KIR3DL3: variants seen among roughly 807,000 people sequenced by gnomAD.
KIR3DL3 encodes the protein killer cell immunoglobulin-like receptor 3DL3.
A neutral mutation model predicts 34.9 loss-of-function variants in KIR3DL3; 27 were observed. The observed-to-expected ratio is 0.77, with a 90% CI of 0.57 to 1.07. The LOEUF is 1.07. Ranked by LOEUF, KIR3DL3 falls within the 50% of genes least tolerant of loss-of-function variation. The pLI is 0.00. For missense variants in KIR3DL3, 681 were observed against 528.5 expected (o/e 1.29, Z -2.83); for synonymous variants, 217 against 200.2 (o/e 1.08, Z -0.71).
At chr19:54,730,185 A>G (rs1410765967) in intron 5 of KIR3DL3, among the ~76,000 whole-genome samples, 1 of 151,930 alleles carries the variant, frequency 6.6e-6, no homozygotes, top group Non-Finnish European at 1.5e-5. Context: ...GTTTGAAGAA[A>G]TATTTATTGA....
intron 5 of KIR3DL3, among the ~76,000 whole-genome samples, chr19:54,734,553 T>C (rs1184589441): frequency 6.6e-6 from 1 of 151,130 alleles, no homozygotes; most frequent in Non-Finnish European, 1.5e-5. Flanking sequence ...CTGCATGACG[T>C]CCTCCTCCAG....
At chr19:54,733,758 T>C (rs2146858172) in intron 5 of KIR3DL3, among the ~76,000 whole-genome samples, 1 of 152,332 alleles carries the variant, frequency 6.6e-6, no homozygotes, top group Non-Finnish European at 1.5e-5. Flanking sequence ...GAACGTGCTC[T>C]GTTCATGGCA....
intron 5 of KIR3DL3, 33 bp from the exon 6 acceptor site, chr19:54,735,220 T>G: frequency 1.4e-6 from 2 of 1,401,070 alleles, no homozygotes; most frequent in Non-Finnish European, 2.0e-6. Flanking sequence ...ACTGCTATGA[T>G]TAGCTTCTTA....
Position 54,727,690 on chromosome 19 carries a change from G to T in KIR3DL3, c.435G>T (p.Trp145Cys). ...GAGAGACGGTCATCCTGCAATGTTG[G>T]TCAGATGTCAGGTTTGAGCGCTTCC... Reference protein sequence around the residue: ...KSGETVILQCWSDVRFERFLL... With the variant: ...KSGETVILQCCSDVRFERFLL... The change falls in exon 4 of 8, where the codon TGG becomes TGT. Residue 145 changes from tryptophan to cysteine, a missense_variant. Coordinates refer to ENST00000291860, the MANE Select transcript of KIR3DL3 (RefSeq NM_153443.5). The T allele has an allele frequency of 6.2e-7, 1 of 1,612,676 alleles. No homozygotes were observed. The highest frequency in any genetic ancestry group is 8.5e-7 in the Non-Finnish European group (1 of 1,179,660).
intron 3 of KIR3DL3, among the ~76,000 whole-genome samples, chr19:54,727,216 C>T (rs1271376590): frequency 8.5e-6 from 1 of 117,990 alleles, no homozygotes; most frequent in Non-Finnish European, 1.8e-5. Flanking sequence ...GCCTGCCTTA[C>T]TGATGAGTTC....
At chr19:54,729,910 G>A in intron 5 of KIR3DL3, 124 bp downstream of exon 5, 4 of 739,298 alleles carry the variant, frequency 5.4e-6, no homozygotes, top group Non-Finnish European at 8.1e-6. Flanking sequence ...TGGGTGTAAG[G>A]GCGGGGTCAG....
rs188741619 is a variant in KIR3DL3, at chr19:54,735,658, G to C, written c.1055-162G>C. Among the ~76,000 whole-genome samples the C allele has an allele frequency of 5.4e-5, 7 of 129,460 alleles. No homozygotes were observed. The East Asian group carries it at 1.4e-3, about 26-fold the overall frequency. The allele number at this position is 129,460 out of a possible 152,430, so 84.9% of individuals were successfully genotyped here. ...GGATGGGAACTCAGAGCTATACATG[G>C]GATGGATCCTTGAGCTCAGAGAGAT... is the stretch of plus-strand genomic sequence containing the variant. On this transcript the variant is annotated intron_variant, in intron 6 of 7. Transcript: ENST00000291860.
chr19:54,729,022 T>G (rs2068505475), intron 4 of KIR3DL3, among the ~76,000 whole-genome samples: 1 of 147,800 alleles, frequency 6.8e-6, no homozygotes, highest in Non-Finnish European at 1.5e-5. Flanking sequence ...CACATGATGA[T>G]AGATGGATAG....
At chr19:54,731,141 G>T (rs1321691574) in intron 5 of KIR3DL3, among the ~76,000 whole-genome samples, 1 of 151,530 alleles carries the variant, frequency 6.6e-6, no homozygotes, top group Non-Finnish European at 1.5e-5. Context: ...CAAGTAGCTG[G>T]GTTACTGGCT....
rs1568866701 is a variant in KIR3DL3 at position 54,735,292 on chromosome 19, T to G, written c.989T>G (p.Val330Gly). 1.3e-6 allele frequency: 2 copies of G among 1,526,576 alleles called. No individual in the cohort carries two copies. The highest frequency in any genetic ancestry group is 4.5e-5 in the East Asian group (2 of 44,636). 94.6% of individuals were successfully genotyped at this position (1,526,576 alleles called of 1,614,324 possible). Residue 330 changes from valine to glycine, a missense_variant, in exon 6 of 8, where the codon GTG becomes GGG. By Grantham distance (109) the Val-to-Gly change is moderately radical. Transcript: ENST00000291860. ...RNLHVLIGTS[V>G]VIIPFAILLF... Reference sequence around the variant, plus strand: ...CTGCACGTTCTGATTGGGACCTCAGTGGTCATCATCCCCTTTGCTATCCTC... The same window carrying G: ...CTGCACGTTCTGATTGGGACCTCAGGGGTCATCATCCCCTTTGCTATCCTC...
At chr19:54,725,424 G>A in intron 2 of KIR3DL3, 142 bp downstream of exon 2, 1 of 701,394 alleles carries the variant, frequency 1.4e-6, no homozygotes, top group Non-Finnish European at 2.3e-6. Flanking sequence ...CTAGGAAAAG[G>A]AAGCCAGGGG....
At chr19:54,727,148 G>A (rs2068271573) in intron 3 of KIR3DL3, among the ~76,000 whole-genome samples, 1 of 134,918 alleles carries the variant, frequency 7.4e-6, no homozygotes, top group African/African-American at 2.8e-5. Flanking sequence ...GGGCCATGGA[G>A]AAGGCACAGA....
At chr19:54,733,669 A>G (rs2069087053) in intron 5 of KIR3DL3, among the ~76,000 whole-genome samples, 2 of 152,128 alleles carry the variant, frequency 1.3e-5, no homozygotes, top group African/African-American at 4.8e-5. Context: ...CCTCTTCCTT[A>G]TTTGGCTTTC....
At chr19:54,729,413 G>A (rs2068557027) in intron 4 of KIR3DL3, 80 bp from the exon 5 acceptor site, 2 of 1,298,824 alleles carry the variant, frequency 1.5e-6, no homozygotes, top group Non-Finnish European at 1.1e-6. Context: ...TAGAGCAGGG[G>A]AGTGAGTTCT....
intron 5 of KIR3DL3, 67 bp downstream of exon 5, chr19:54,729,853 G>A: frequency 2.0e-6 from 3 of 1,471,178 alleles, no homozygotes; most frequent in South Asian, 1.3e-5. Context: ...GCTTCCTGCT[G>A]ATGATGGAGA....
intron 5 of KIR3DL3, among the ~76,000 whole-genome samples, chr19:54,735,015 G>T (rs1450429651): frequency 7.0e-6 from 1 of 142,064 alleles, no homozygotes; most frequent in Non-Finnish European, 1.5e-5. Context: ...CACTCTGGGG[G>T]TTACATTTCA....
rs2069676717 is a variant in KIR3DL3, at chr19:54,736,603, C to T, written c.*507C>T. The T allele has an allele frequency of 6.1e-6, 1 of 164,746 alleles. No homozygotes were observed. The highest frequency in any genetic ancestry group is 1.3e-5 in the Non-Finnish European group (1 of 79,290). 10.2% of individuals were successfully genotyped at this position (164,746 alleles called of 1,614,324 possible). A position where few individuals can be genotyped will look rare whatever the true frequency, so the allele number is the denominator to read the frequency against. ...TTTTTTATAATTTCAATGTAGTTTT[C>T]TATTCTTCAAGTAAACATGTCTGCC... On this transcript the variant is annotated 3_prime_UTR_variant, in exon 8 of 8. Transcript: ENST00000291860.
At position 54,724,567 on chromosome 19, in the gene KIR3DL3, G is replaced by C; in HGVS notation, c.34+37G>C. ...AAGGGAATCGAGGGAGGGAGCGCTG[G>C]GGTGGAGATCTGGGCCTGGAGTGGA... On this transcript the variant is annotated intron_variant, in intron 1 of 7. Coordinates refer to ENST00000291860, the MANE Select transcript of KIR3DL3 (RefSeq NM_153443.5). 6 of 1,604,512 alleles carry C rather than the reference G, an allele frequency of 3.7e-6. No homozygotes were observed. The South Asian group carries it at 5.5e-5, about 15-fold the overall frequency.
rs1365301061 is a variant in KIR3DL3, at chr19:54,736,112, T to G, written c.*16T>G. On this transcript the variant is annotated 3_prime_UTR_variant, in exon 8 of 8. Transcript: ENST00000291860. Reference sequence around the variant, plus strand: ...CAGCGTGTAACACGGAACTTCCAAATGCTGAGCGCAGATCCAAAGTTGTCT... The same window carrying G: ...CAGCGTGTAACACGGAACTTCCAAAGGCTGAGCGCAGATCCAAAGTTGTCT... 1 of 1,611,820 alleles carries G rather than the reference T, an allele frequency of 6.2e-7. No individual in the cohort carries two copies. Among genetic ancestry groups the G allele is most frequent in the East Asian group, 2.2e-5 (1 of 44,856 alleles).
Sources: gnomAD v4.1 joint callset for allele counts (sites outside exome capture counted in the v4.1 genomes callset) on GRCh38, gnomAD v4.1.1 for gene constraint, MANE v1.5 for transcripts, NCBI Gene and HGNC (gene_info 2026-07-23, HGNC 2026-07-21) for gene names.